The following WRAP53 variants were observed in gnomAD, a reference collection of about 807,000 sequenced individuals.
WRAP53 encodes the protein telomerase Cajal body protein 1.
A neutral mutation model predicts 56.6 loss-of-function variants in WRAP53; 28 were observed. That is an observed-to-expected ratio of 0.50 (90% CI 0.37 to 0.68). The LOEUF (loss-of-function observed/expected upper bound fraction) is 0.68, where lower values mean the gene tolerates loss of function less well. WRAP53 is among the 30% of genes least tolerant of loss of function. The pLI is 0.00. For missense variants in WRAP53, 671 were observed against 715.5 expected (o/e 0.94, Z 0.71); for synonymous variants, 283 against 283.4 (o/e 1.00, Z 0.01).
Position 7,702,045 on chromosome 17 carries a change from GA to G in WRAP53, c.955+259del. 1 of 738,836 alleles carries G rather than the reference GA, an allele frequency of 1.4e-6. No homozygotes were observed. Among genetic ancestry groups the G allele is most frequent in the Admixed American group, 2.1e-5 (1 of 48,758 alleles). The allele number at this position is 738,836 out of a possible 1,614,324, so 45.8% of individuals were successfully genotyped here. Reference sequence around the variant, plus strand: ...GTCAGCTGTGGAGCTTTTGGTCTCTGAAATCTTTCTAGAAAATTGTTGATAA... The same window carrying G: ...GTCAGCTGTGGAGCTTTTGGTCTCTGAATCTTTCTAGAAAATTGTTGATAA... On this transcript the variant is annotated intron_variant, in intron 7 of 10. Transcript: ENST00000396463. This position sits in a 1 kb window ranked among gnomAD's most constrained non-coding sequence, Gnocchi z 5.0.
intron 4 of WRAP53, among the ~76,000 whole-genome samples, chr17:7,692,490 G>A (rs149270938): frequency 0.024 from 3,625 of 151,052 alleles, 57 homozygotes; most frequent in South Asian, 0.031. Context: ...GCGTGGTGGC[G>A]GGCGCCTGTA....
rs1048155601 is a variant in WRAP53, at chr17:7,702,161, TAGGTCCTTTGGG to T, written c.956-179_956-168del. ...AGGGATGAAGTGGGGCTTGGGCATTTAGGTCCTTTGGGAGGATAGATGTGGGGAGCATCAGAG... is the reference window on the plus strand; with the variant it reads ...AGGGATGAAGTGGGGCTTGGGCATTTAGGATAGATGTGGGGAGCATCAGAG... On this transcript the variant is annotated intron_variant, in intron 7 of 10. Transcript: ENST00000396463. The surrounding 1 kb of genome is among the most constrained non-coding windows in gnomAD (Gnocchi z 5.0). The T allele has an allele frequency of 1.8e-5, 13 of 731,994 alleles. No homozygotes were observed. Among genetic ancestry groups the T allele is most frequent in the Non-Finnish European group, 3.0e-5 (13 of 427,118 alleles). 45.3% of individuals were successfully genotyped at this position (731,994 alleles called of 1,614,324 possible).
At chr17:7,693,197 C>T (rs969143696) in intron 4 of WRAP53, among the ~76,000 whole-genome samples, 2 of 92,944 alleles carry the variant, frequency 2.2e-5, no homozygotes, top group Non-Finnish European at 3.7e-5. Flanking sequence ...TTTTTTGAGA[C>T]GGAGTTTCAA....
chr17:7,691,261 C>A (rs761120156), intron 4 of WRAP53, among the ~76,000 whole-genome samples: 9 of 151,798 alleles, frequency 5.9e-5, no homozygotes, highest in Non-Finnish European at 1.3e-4. Context: ...ACAAAAAACC[C>A]AGAATGCTGG....
At chr17:7,692,910 C>T (rs1194367499) in intron 4 of WRAP53, among the ~76,000 whole-genome samples, 2 of 151,712 alleles carry the variant, frequency 1.3e-5, no homozygotes, top group South Asian at 2.1e-4. Context: ...CCCGCCACCA[C>T]GCCTGGCTAA....
chr17:7,702,732 C>T lies in WRAP53; in HGVS notation c.1165-11C>T. ...TTGGGGGTGACTCCAGGTCCTGTTC[C>T]TTGTCTCCAGGATGCTGAGCTCCTG... On this transcript the variant is annotated splice_polypyrimidine_tract_variant and intron_variant, in intron 8 of 10. Transcript: ENST00000396463. The surrounding 1 kb of genome is among the most constrained non-coding windows in gnomAD (Gnocchi z 5.0). 1 of 1,612,958 alleles carries T rather than the reference C, an allele frequency of 6.2e-7. No individual in the cohort carries two copies. Among genetic ancestry groups the T allele is most frequent in the Non-Finnish European group, 8.5e-7 (1 of 1,179,888 alleles).
chr17:7,700,978 C>CTTTT, intron 5 of WRAP53, 149 bp downstream of exon 5: 1 of 554,432 alleles, frequency 1.8e-6, no homozygotes. Context: ...CCTCCCCTTC[C>CTTTT]TTTTTTTTTT....
chr17:7,688,625 T>C, intron 1 of WRAP53, 23 bp from the exon 2 acceptor site: 1 of 1,613,898 alleles, frequency 6.2e-7, no homozygotes. Flanking sequence ...CTGAGGCTAA[T>C]CTCCGCTGTG....
intron 4 of WRAP53, among the ~76,000 whole-genome samples, chr17:7,698,785 A>G (rs1597416054): frequency 6.6e-6 from 1 of 152,234 alleles, no homozygotes; most frequent in East Asian, 1.9e-4. Flanking sequence ...GCTGAGGCAG[A>G]GAATTGCTTG....
Position 7,701,152 on chromosome 17 carries a change from C to T in WRAP53, c.732-307C>T, listed in dbSNP as rs1408922470. Among the ~76,000 whole-genome samples the T allele has an allele frequency of 4.6e-5, 7 of 152,000 alleles. No individual in the cohort carries two copies. The highest frequency in any genetic ancestry group is 1.4e-4 in the African/African-American group (6 of 41,392). Reference sequence around the variant, plus strand: ...CACACCCAGCTAATTGTGTATTTTTCATAGAGATGGGGTTTCACCACGTTG... The same window carrying T: ...CACACCCAGCTAATTGTGTATTTTTTATAGAGATGGGGTTTCACCACGTTG... On this transcript the variant is annotated intron_variant, in intron 5 of 10. Coordinates refer to ENST00000396463, the MANE Select transcript of WRAP53 (RefSeq NM_001143992.2). This position sits in a 1 kb window ranked among gnomAD's most constrained non-coding sequence, Gnocchi z 4.2.
chr17:7,699,502 TTATA>T (rs1172959796), intron 4 of WRAP53, among the ~76,000 whole-genome samples: 4 of 11,762 alleles, frequency 3.4e-4, no homozygotes, highest in Admixed American at 1.5e-3. Context: ...ATATATATAT[TTATA>T]TATATATATA....
At chr17:7,693,736 T>A (rs956216564) in intron 4 of WRAP53, among the ~76,000 whole-genome samples, 1 of 151,628 alleles carries the variant, frequency 6.6e-6, no homozygotes, top group Non-Finnish European at 1.5e-5. Context: ...ATAATAAAAT[T>A]AAAAAAAAGT....
intron 4 of WRAP53, among the ~76,000 whole-genome samples, chr17:7,693,002 A>G (rs1268718197): frequency 6.6e-6 from 1 of 151,184 alleles, no homozygotes; most frequent in Non-Finnish European, 1.5e-5. Flanking sequence ...CGGCCTCCCA[A>G]AGTGCTGGGA....
chr17:7,702,979 CCTCT>C lies in WRAP53; in HGVS notation c.1269-8_1269-5del, dbSNP rs750864997. ...GTGAGGCCTCTGCCAGCAAATCTCTCCTCTCTCTCGCAGGACCGGGCAGTTCCTA... is the reference window on the plus strand; with the variant it reads ...GTGAGGCCTCTGCCAGCAAATCTCTCCTCTCGCAGGACCGGGCAGTTCCTA... On this transcript the variant is annotated splice_polypyrimidine_tract_variant and intron_variant, in intron 9 of 10. Coordinates refer to ENST00000396463, the MANE Select transcript of WRAP53 (RefSeq NM_001143992.2). This position sits in a 1 kb window ranked among gnomAD's most constrained non-coding sequence, Gnocchi z 5.0. 1 of 1,613,640 alleles carries C rather than the reference CCTCT, an allele frequency of 6.2e-7. No homozygotes were observed. The highest frequency in any genetic ancestry group is 8.5e-7 in the Non-Finnish European group (1 of 1,180,018).
chr17:7,700,952 G>T (rs1229596607), intron 5 of WRAP53, 123 bp downstream of exon 5: 3 of 760,696 alleles, frequency 3.9e-6, no homozygotes, highest in African/African-American at 1.7e-5. Context: ...TATCAGAGGG[G>T]CTGGTCAGTT....
In WRAP53 at chr17:7,703,502, A is replaced by G. The variant is rs748953975; in HGVS notation, c.*16A>G. On this transcript the variant is annotated 3_prime_UTR_variant, in exon 11 of 11. Transcript: ENST00000396463. ...GCTGATATAAAAAGGTTTTTATGAT[A>G]CTAGAGTCTTCGTGTCTGTTTTGGG... 5 of 1,448,606 alleles carry G rather than the reference A, an allele frequency of 3.5e-6. No individual in the cohort carries two copies. The highest frequency in any genetic ancestry group is 4.6e-6 in the Non-Finnish European group (5 of 1,081,240). 89.7% of individuals were successfully genotyped at this position (1,448,606 alleles called of 1,614,324 possible). A position where few individuals can be genotyped will look rare whatever the true frequency, so the allele number is the denominator to read the frequency against.
Position 7,688,511 on chromosome 17 carries a change from C to A in WRAP53, c.-52C>A, listed in dbSNP as rs79199718. ...AAAAGAATTGGCGTCCGCTGTTCGC[C>A]TCTCCTCCCGGGAGTCTTCTGCCTA... On this transcript the variant is annotated 5_prime_UTR_variant, in exon 1 of 11. Transcript: ENST00000396463. The A allele has an allele frequency of 5.5e-6, 5 of 910,736 alleles. No individual in the cohort carries two copies. In the African/African-American group the frequency reaches 6.7e-5, roughly 12 times the overall value. The allele number at this position is 910,736 out of a possible 1,614,324, so 56.4% of individuals were successfully genotyped here.
intron 4 of WRAP53, 126 bp from the exon 5 acceptor site, chr17:7,700,615 C>A: frequency 1.3e-6 from 1 of 764,444 alleles, no homozygotes; most frequent in Non-Finnish European, 2.4e-6. Flanking sequence ...CTGAGCTCAC[C>A]CTTGAACATT....
intron 3 of WRAP53, 82 bp from the exon 4 acceptor site, chr17:7,689,508 T>C: frequency 7.1e-7 from 1 of 1,411,300 alleles, no homozygotes. Context: ...GGGGCTTACC[T>C]ACCCCAGAGG....
Sources: allele counts gnomAD v4.1 joint callset (sites outside exome capture counted in the v4.1 genomes callset), GRCh38; gene constraint gnomAD v4.1.1; non-coding constraint Gnocchi (gnomAD v3.1); transcripts MANE v1.5; gene names NCBI Gene and HGNC (gene_info 2026-07-23, HGNC 2026-07-21).